Variants in WEE2 observed in about 807,000 individuals in gnomAD.
WEE2 encodes wee1-like protein kinase 2.
A neutral mutation model predicts 60.1 loss-of-function variants in WEE2; 50 were observed. The ratio of observed to expected loss-of-function variants is 0.83; its 90% CI spans 0.66 to 1.05. The LOEUF (loss-of-function observed/expected upper bound fraction) is 1.05, where lower values mean the gene tolerates loss of function less well. Among genes scored for constraint, WEE2 ranks in the 50% least tolerant of loss-of-function variants. The pLI, the probability that WEE2 is intolerant of heterozygous loss-of-function variation, is 0.00. For missense variants in WEE2, 631 were observed against 684.3 expected (o/e 0.92, Z 0.87); for synonymous variants, 240 against 241.0 (o/e 1.00, Z 0.04).
intron 5 of WEE2, 70 bp downstream of exon 5, chr7:141,721,126 C>G: frequency 1.3e-6 from 2 of 1,581,112 alleles, no homozygotes; most frequent in South Asian, 2.2e-5. Flanking sequence ...AATAAACTTT[C>G]CCTCCTCCTC....
At chr7:141,725,697 A>G (rs1799004736) in intron 9 of WEE2, among the ~76,000 whole-genome samples, 1 of 151,774 alleles carries the variant, frequency 6.6e-6, no homozygotes, top group Admixed American at 6.6e-5. Flanking sequence ...CTCGGAGGAT[A>G]TTGTAAAATC....
chr7:141,729,568 G>A lies in WEE2; in HGVS notation c.1573G>A (p.Gly525Arg), dbSNP rs1284954738. The A allele has an allele frequency of 6.2e-7, 1 of 1,614,152 alleles. No individual in the cohort carries two copies. The highest frequency in any genetic ancestry group is 8.5e-7 in the Non-Finnish European group (1 of 1,180,034). Reference protein sequence around the residue: ...REAQQAQSPQGYTHHGDTGVS... With the variant: ...REAQQAQSPQRYTHHGDTGVS... ...AGCCCAGCAGGCCCAGTCACCCCAG[G>A]GATATACCCATCATGGTGACACTGG... The change falls in exon 11 of 12, where the codon GGA becomes AGA. Residue 525 changes from glycine (G) to arginine (R), a missense_variant. Gly to Arg is a moderately radical substitution (Grantham distance 125, BLOSUM62 -2). Transcript: ENST00000397541.
Position 141,727,389 on chromosome 7 carries a change from C to G in WEE2, c.1478C>G (p.Thr493Arg). The G allele has an allele frequency of 6.2e-7, 1 of 1,614,096 alleles. No individual in the cohort carries two copies. ...NTVLRPSLGKTEELQQQLNLE... is the reference protein window; with the variant it reads ...NTVLRPSLGKREELQQQLNLE... ...GTTCTCCGGCCTTCCCTGGGAAAAA[C>G]AGAAGAGCTCCAACAGCAGCTGAAT... The change falls in exon 10 of 12, where the codon ACA (threonine) becomes AGA (arginine). Residue 493 changes from threonine to arginine, a missense_variant. Transcript: ENST00000397541.
intron 10 of WEE2, 31 bp from the exon 11 acceptor site, chr7:141,729,500 T>C (rs1280046008): frequency 1.2e-6 from 2 of 1,614,136 alleles, no homozygotes; most frequent in Middle Eastern, 1.6e-4. Context: ...GGAGATCAAG[T>C]AGCCTTTGCT....
At chr7:141,720,793 A>C in intron 4 of WEE2, 142 bp from the exon 5 acceptor site, 1 of 924,598 alleles carries the variant, frequency 1.1e-6, no homozygotes, top group Non-Finnish European at 1.6e-6. Context: ...ATTAAGATTC[A>C]ATGAGATAAA....
At chr7:141,722,828 AT>A (rs777842452) in intron 5 of WEE2, among the ~76,000 whole-genome samples, 1 of 152,164 alleles carries the variant, frequency 6.6e-6, no homozygotes, top group Non-Finnish European at 1.5e-5. Context: ...AGATACTGGC[AT>A]TTTCTTTTCC....
Position 141,721,061 on chromosome 7 carries a change from G to A in WEE2, c.880+5G>A. 1.2e-6 allele frequency: 2 copies of A among 1,614,078 alleles called. No individual in the cohort carries two copies. Among genetic ancestry groups the A allele is most frequent in the Non-Finnish European group, 1.7e-6 (2 of 1,180,020 alleles). The stretch of plus-strand genomic sequence containing the variant: ...TTCAGAATGAATACTGCAATGGTAA[G>A]TAGTATATAGATGAATAACTACGAA... On this transcript the variant is annotated splice_donor_5th_base_variant and intron_variant, in intron 5 of 11. Transcript: ENST00000397541.
At chr7:141,721,735 A>AT (rs1486087760) in intron 5 of WEE2, among the ~76,000 whole-genome samples, 2 of 152,012 alleles carry the variant, frequency 1.3e-5, no homozygotes, top group African/African-American at 4.8e-5. Flanking sequence ...AAGTGCTGGG[A>AT]TTACAGGCGT....
chr7:141,723,125 C>T lies in WEE2; in HGVS notation c.881-9C>T. The T allele has an allele frequency of 2.5e-6, 4 of 1,613,912 alleles. No individual in the cohort carries two copies. The highest frequency in any genetic ancestry group is 3.4e-6 in the Non-Finnish European group (4 of 1,179,876). ...TACTGTGGGGCTGTTCTCTGTTGTT[C>T]TTTCCCAGGTGGGAGTTTGCAAGCT... On this transcript the variant is annotated splice_polypyrimidine_tract_variant and intron_variant, in intron 5 of 11. Coordinates refer to ENST00000397541, the MANE Select transcript of WEE2 (RefSeq NM_001105558.1).
chr7:141,720,189 T>C (rs1016095618), intron 4 of WEE2, among the ~76,000 whole-genome samples: 1 of 117,534 alleles, frequency 8.5e-6, no homozygotes, highest in African/African-American at 3.3e-5. Context: ...GGAATCTAGC[T>C]CTGTTGCCCA....
At chr7:141,709,513 T>C (rs1397139748) in intron 1 of WEE2, among the ~76,000 whole-genome samples, 1 of 152,212 alleles carries the variant, frequency 6.6e-6, no homozygotes, top group Non-Finnish European at 1.5e-5. Context: ...CCTGATCTTT[T>C]TGGCCTAGTC....
chr7:141,719,325 A>T, intron 4 of WEE2, 81 bp downstream of exon 4: 1 of 1,268,144 alleles, frequency 7.9e-7, no homozygotes, highest in South Asian at 1.5e-5. Context: ...AAATTAAAGC[A>T]CCGATGTCAT....
chr7:141,720,700 T>G, intron 4 of WEE2: 1 of 512,120 alleles, frequency 2.0e-6, no homozygotes. Flanking sequence ...GGTTCTGCTC[T>G]TAAGTCTGCT....
chr7:141,725,304 A>C, intron 9 of WEE2, 108 bp downstream of exon 9: 1 of 1,276,994 alleles, frequency 7.8e-7, no homozygotes, highest in Non-Finnish European at 1.1e-6. Context: ...CACTAACAGA[A>C]AAAGGAACGT....
chr7:141,718,520 T>TA (rs1483873058), intron 3 of WEE2, among the ~76,000 whole-genome samples: 1 of 152,152 alleles, frequency 6.6e-6, no homozygotes, highest in African/African-American at 2.4e-5. Context: ...GAGTGGTTGC[T>TA]AGACCTGAGC....
At position 141,730,380 on chromosome 7, in the gene WEE2, A is replaced by AT. The variant is rs1028027264; in HGVS notation, c.*62dup. The AT allele has an allele frequency of 6.7e-7, 1 of 1,485,796 alleles. No individual in the cohort carries two copies. Among genetic ancestry groups the AT allele is most frequent in the African/African-American group, 1.4e-5 (1 of 71,860 alleles). 92.0% of individuals were successfully genotyped at this position (1,485,796 alleles called of 1,614,324 possible). A position where few individuals can be genotyped will look rare whatever the true frequency, so the allele number is the denominator to read the frequency against. The stretch of plus-strand genomic sequence containing the variant: ...ATGGATTACGAGGTTGCTGTTGCTG[A>AT]TTCCCCACCAAAGATCCCAGGGACT... On this transcript the variant is annotated 3_prime_UTR_variant, in exon 12 of 12. Transcript: ENST00000397541.
At chr7:141,730,178 C>G in intron 11 of WEE2, 117 bp from the exon 12 acceptor site, 1 of 848,674 alleles carries the variant, frequency 1.2e-6, no homozygotes, top group Non-Finnish European at 1.8e-6. Context: ...GCTAGTAAGG[C>G]TTTGTCTTCT....
rs1563010857 is a variant in WEE2, at chr7:141,708,731, G to C, written c.-28G>C. On this transcript the variant is annotated 5_prime_UTR_variant, in exon 1 of 12. Coordinates refer to ENST00000397541, the MANE Select transcript of WEE2 (RefSeq NM_001105558.1). ...GCGTTCCCTTCTGATAGAGCTTTTT[G>C]TCTGTGTTGTAAAGCTCTTTGGCTG... 6.3e-7 allele frequency: 1 copy of C among 1,575,698 alleles called. No homozygotes were observed. Among genetic ancestry groups the C allele is most frequent in the East Asian group, 2.2e-5 (1 of 44,604 alleles).
intron 1 of WEE2, among the ~76,000 whole-genome samples, chr7:141,712,626 AC>A (rs1798725731): frequency 6.6e-6 from 1 of 152,240 alleles, no homozygotes; most frequent in Non-Finnish European, 1.5e-5. Context: ...AGTGGTGCTC[AC>A]AAATTCTCTT....
Sources: gnomAD v4.1 joint callset for allele counts (sites outside exome capture counted in the v4.1 genomes callset) on GRCh38, gnomAD v4.1.1 for gene constraint, MANE v1.5 for transcripts, NCBI Gene and HGNC (gene_info 2026-07-23, HGNC 2026-07-21) for gene names.